Variants in ATP10B observed in about 807,000 individuals in gnomAD.
ATP10B encodes phospholipid-transporting ATPase VB.
A neutral mutation model predicts 141.2 loss-of-function variants in ATP10B; 122 were observed. The observed-to-expected ratio is 0.86, with a 90% CI of 0.75 to 1.00. ATP10B has a LOEUF of 1.00. Among genes scored for constraint, ATP10B ranks in the 50% least tolerant of loss-of-function variants. ATP10B has a pLI of 0.00. For synonymous variants in ATP10B, 685 were observed against 692.0 expected (o/e 0.99, Z 0.16); for missense variants, 1,876 against 1,825.3 (o/e 1.03, Z -0.51).
At chr5:160,670,278 T>G (rs1762592280) in intron 7 of ATP10B, among the ~76,000 whole-genome samples, 185 bp downstream of exon 7, 1 of 152,208 alleles carries the variant, frequency 6.6e-6, no homozygotes, top group African/African-American at 2.4e-5. Context: ...TTTCCTCATC[T>G]GTGATATGCA....
chr5:160,888,815 C>G, the ATP10B span, among the ~76,000 whole-genome samples: 1 of 152,120 alleles, frequency 6.6e-6, no homozygotes. Flanking sequence ...AGAACACTGC[C>G]TAGATTGAAT....
At chr5:160,737,846 A>G (rs953516742) in intron 2 of ATP10B, among the ~76,000 whole-genome samples, 2 of 152,174 alleles carry the variant, frequency 1.3e-5, no homozygotes, top group African/African-American at 4.8e-5. Context: ...TAATGGGGAG[A>G]AAGACAATCC....
chr5:160,899,375 TG>T, the ATP10B span, among the ~76,000 whole-genome samples: 12 of 152,068 alleles, frequency 7.9e-5, no homozygotes, highest in Admixed American at 7.9e-4. Flanking sequence ...AATGTCGTCA[TG>T]TAGAAGGCTT....
At chr5:160,802,483 T>C (rs1418977715) in intron 1 of ATP10B, among the ~76,000 whole-genome samples, 2 of 152,214 alleles carry the variant, frequency 1.3e-5, no homozygotes, top group Non-Finnish European at 2.9e-5. Context: ...GATATCTAGA[T>C]GAGACAATGC....
At chr5:160,926,622 G>A in the ATP10B span, among the ~76,000 whole-genome samples, 2 of 152,194 alleles carry the variant, frequency 1.3e-5, no homozygotes, top group Non-Finnish European at 2.9e-5. Context: ...AGACGTAAGT[G>A]CAATAAGGGA....
chr5:160,900,894 T>TG, the ATP10B span, among the ~76,000 whole-genome samples: 4 of 147,054 alleles, frequency 2.7e-5, no homozygotes, highest in African/African-American at 9.9e-5. Flanking sequence ...TAAATCCTTT[T>TG]GGGGGGTAGA....
At chr5:160,922,273 G>T in the ATP10B span, among the ~76,000 whole-genome samples, 2 of 152,200 alleles carry the variant, frequency 1.3e-5, no homozygotes, top group African/African-American at 2.4e-5. Flanking sequence ...GTGTCTTGTA[G>T]CAAGTCACTT....
intron 6 of ATP10B, among the ~76,000 whole-genome samples, chr5:160,685,824 C>T (rs764253859): frequency 4.6e-5 from 7 of 151,970 alleles, no homozygotes; most frequent in Non-Finnish European, 1.0e-4. Flanking sequence ...TCCTGTGTAT[C>T]GTAGGCTATT....
At chr5:160,777,508 G>A (rs1770419507) in intron 2 of ATP10B, among the ~76,000 whole-genome samples, 1 of 152,218 alleles carries the variant, frequency 6.6e-6, no homozygotes, top group Admixed American at 6.5e-5. Flanking sequence ...CCTAATACAA[G>A]TACCTTTCTC....
At chr5:160,600,689 G>A (rs1360353858) in intron 21 of ATP10B, among the ~76,000 whole-genome samples, 2 of 152,166 alleles carry the variant, frequency 1.3e-5, no homozygotes, top group African/African-American at 4.8e-5. Flanking sequence ...CTGCCTAACT[G>A]GAATCTTTGT....
Position 160,615,892 on chromosome 5 carries a change from C to T in ATP10B, c.2599G>A (p.Asp867Asn). 6.2e-7 allele frequency: 1 copy of T among 1,614,020 alleles called. No homozygotes were observed. ...REAEASLDNRDELLMETAQHL... is the reference protein window; with the variant it reads ...REAEASLDNRNELLMETAQHL... ...TGTGCAGTTTCCATGAGAAGCTCAT[C>T]TCGGTTGTCGAGGGATGCCTCAGCC... Residue 867 changes from aspartate to asparagine, a missense_variant, in exon 17 of 26, where the codon GAT (aspartate) becomes AAT (asparagine). Asp to Asn is a conservative substitution (Grantham distance 23, BLOSUM62 1). Transcript: ENST00000327245.
intron 3 of ATP10B, among the ~76,000 whole-genome samples, chr5:160,707,145 T>A (rs1765067556): frequency 6.6e-6 from 1 of 152,154 alleles, no homozygotes; most frequent in South Asian, 2.1e-4. Context: ...GAGATGGGGT[T>A]TCACCATGTT....
At chr5:160,856,590 G>A (rs932307674), upstream of ATP10B, among the ~76,000 whole-genome samples, 9 of 150,692 alleles carry the variant, frequency 6.0e-5, no homozygotes, top group Non-Finnish European at 1.2e-4. Context: ...CTCAGTCTCA[G>A]GGGGAAAATA....
chr5:160,735,730 A>G (rs1183645100), intron 2 of ATP10B, among the ~76,000 whole-genome samples: 1 of 152,190 alleles, frequency 6.6e-6, no homozygotes, highest in African/African-American at 2.4e-5. Flanking sequence ...TCTCAAGGAT[A>G]GACCATATGT....
At chr5:160,894,961 A>G in the ATP10B span, among the ~76,000 whole-genome samples, 11 of 152,366 alleles carry the variant, frequency 7.2e-5, 1 homozygote, top group African/African-American at 1.9e-4. Context: ...ACTAAGCTTC[A>G]TAAGTGAAGG....
intron 18 of ATP10B, among the ~76,000 whole-genome samples, chr5:160,608,630 T>C (rs1356607678): frequency 2.0e-5 from 3 of 152,204 alleles, no homozygotes; most frequent in Admixed American, 1.3e-4. Context: ...TTCTAGCTGG[T>C]TTAAGATGGT....
chr5:160,879,707 G>A, the ATP10B span, among the ~76,000 whole-genome samples: 24 of 151,926 alleles, frequency 1.6e-4, no homozygotes, highest in South Asian at 2.1e-4. Context: ...GCGTGGTAGC[G>A]GGCGCCTGTA....
intron 1 of ATP10B, among the ~76,000 whole-genome samples, chr5:160,842,023 C>T (rs1394499390): frequency 2.6e-5 from 4 of 152,158 alleles, no homozygotes; most frequent in Non-Finnish European, 5.9e-5. Context: ...TCGCGCCCGG[C>T]CTACAAGGAT....
intron 8 of ATP10B, among the ~76,000 whole-genome samples, chr5:160,645,308 A>T (rs1760199512): frequency 6.6e-6 from 1 of 152,172 alleles, no homozygotes; most frequent in Non-Finnish European, 1.5e-5. Flanking sequence ...GGGGACCTGA[A>T]CTGCAGAAGG....
Sources: allele counts gnomAD v4.1 joint callset (sites outside exome capture counted in the v4.1 genomes callset), GRCh38; gene constraint gnomAD v4.1.1; transcripts MANE v1.5; gene names NCBI Gene and HGNC (gene_info 2026-07-23, HGNC 2026-07-21).